Variants in ATRNL1 observed in about 807,000 individuals in gnomAD.
The protein encoded by ATRNL1 is attractin-like protein 1.
ATRNL1 carries 95 observed loss-of-function variants against 182.7 expected under a neutral mutation model. The ratio of observed to expected loss-of-function variants is 0.52; its 90% CI spans 0.44 to 0.62. ATRNL1 has a LOEUF of 0.62. Ranked by LOEUF, ATRNL1 falls within the 20% of genes least tolerant of loss-of-function variation. ATRNL1 has a pLI of 0.00. For synonymous variants in ATRNL1, 576 were observed against 568.3 expected (o/e 1.01, Z -0.19); for missense variants, 1,471 against 1,679.5 (o/e 0.88, Z 2.17).
chr10:115,157,682 C>T (rs1389981472), intron 5 of ATRNL1, among the ~76,000 whole-genome samples: 2 of 152,014 alleles, frequency 1.3e-5, no homozygotes, highest in East Asian at 1.9e-4. Flanking sequence ...TATTTAGAGC[C>T]AATTTAGATA....
chr10:115,609,539 TGTCA>T (rs1391889204), intron 26 of ATRNL1, among the ~76,000 whole-genome samples: 1 of 152,204 alleles, frequency 6.6e-6, no homozygotes, highest in African/African-American at 2.4e-5. Context: ...ATTAAAATGG[TGTCA>T]GTCCTTTAAG....
chr10:115,576,050 A>G (rs1322398977), intron 26 of ATRNL1, among the ~76,000 whole-genome samples: 8 of 152,026 alleles, frequency 5.3e-5, no homozygotes, highest in African/African-American at 1.9e-4. Context: ...TGGCTCATCT[A>G]TGTTGCCACA....
intron 26 of ATRNL1, among the ~76,000 whole-genome samples, chr10:115,588,698 A>G (rs1054426874): frequency 1.3e-5 from 2 of 152,018 alleles, no homozygotes; most frequent in Non-Finnish European, 2.9e-5. Flanking sequence ...AGATTTTCCT[A>G]CCCGTGTTGG....
intron 21 of ATRNL1, among the ~76,000 whole-genome samples, chr10:115,446,849 A>G (rs1380458040): frequency 6.6e-6 from 1 of 151,784 alleles, no homozygotes; most frequent in South Asian, 2.1e-4. Flanking sequence ...TTAATTGTGG[A>G]TCTCCGATTT....
intron 26 of ATRNL1, among the ~76,000 whole-genome samples, chr10:115,628,585 G>A (rs968595789): frequency 6.6e-6 from 1 of 152,048 alleles, no homozygotes; most frequent in Non-Finnish European, 1.5e-5. Flanking sequence ...TTTTGATGAA[G>A]TTCAATTTAT....
chr10:115,388,672 G>A (rs611492), intron 19 of ATRNL1, among the ~76,000 whole-genome samples: 55,761 of 151,486 alleles, frequency 0.37, 11,113 homozygotes, highest in African/African-American at 0.52. Flanking sequence ...TTTATAATGT[G>A]TATCATATTA....
chr10:115,322,810 C>T (rs1448370571), intron 18 of ATRNL1, among the ~76,000 whole-genome samples: 2 of 152,058 alleles, frequency 1.3e-5, no homozygotes, highest in Non-Finnish European at 2.9e-5. Flanking sequence ...TATTATTATA[C>T]TGCTTACTGG....
At chr10:115,451,839 A>T (rs558026003) in intron 21 of ATRNL1, among the ~76,000 whole-genome samples, 2 of 152,314 alleles carry the variant, frequency 1.3e-5, no homozygotes, top group African/African-American at 4.8e-5. Flanking sequence ...TGTTCACAAT[A>T]GCAAAAACAT....
intron 6 of ATRNL1, among the ~76,000 whole-genome samples, chr10:115,163,548 A>G (rs1275764163): frequency 1.3e-5 from 2 of 151,616 alleles, no homozygotes; most frequent in African/African-American, 4.8e-5. Context: ...ATTTTTTTGT[A>G]GAGGCGGGGT....
chr10:115,124,428 C>T (rs1844874274), intron 3 of ATRNL1, among the ~76,000 whole-genome samples: 1 of 152,032 alleles, frequency 6.6e-6, no homozygotes, highest in South Asian at 2.1e-4. Context: ...GCTTCTGGGT[C>T]CTCAGAATGT....
chr10:115,396,394 A>G (rs1457655898), intron 20 of ATRNL1, among the ~76,000 whole-genome samples: 2 of 152,000 alleles, frequency 1.3e-5, no homozygotes, highest in Admixed American at 6.6e-5. Flanking sequence ...CTGTGAATTT[A>G]TACAGGTTCC....
At chr10:115,403,823 A>G (rs1270998900) in intron 20 of ATRNL1, among the ~76,000 whole-genome samples, 2 of 152,162 alleles carry the variant, frequency 1.3e-5, no homozygotes, top group Non-Finnish European at 2.9e-5. Context: ...GATAAGACTA[A>G]TGGTTTCTTT....
At chr10:115,636,103 G>A (rs141508033) in intron 26 of ATRNL1, among the ~76,000 whole-genome samples, 1 of 152,248 alleles carries the variant, frequency 6.6e-6, no homozygotes, top group African/African-American at 2.4e-5. Flanking sequence ...TCGAAAATTA[G>A]TTGAGATACT....
chr10:115,256,947 A>G (rs952975687), intron 10 of ATRNL1, among the ~76,000 whole-genome samples: 1 of 152,144 alleles, frequency 6.6e-6, no homozygotes, highest in Non-Finnish European at 1.5e-5. Flanking sequence ...GTTTTGAGTG[A>G]GTTTCTTAAT....
intron 15 of ATRNL1, among the ~76,000 whole-genome samples, chr10:115,293,393 G>C (rs1358856996): frequency 6.6e-6 from 1 of 151,792 alleles, no homozygotes; most frequent in Non-Finnish European, 1.5e-5. Flanking sequence ...TCAATTTATT[G>C]GTTGTTTTCT....
At chr10:115,639,654 G>T (rs1346285871) in intron 26 of ATRNL1, among the ~76,000 whole-genome samples, 2 of 152,080 alleles carry the variant, frequency 1.3e-5, no homozygotes, top group African/African-American at 4.8e-5. Context: ...GTATGTAGCA[G>T]TACACAGAGC....
Position 115,301,852 on chromosome 10 carries a change from C to T in ATRNL1, c.2630-3C>T, listed in dbSNP as rs1554924585. On this transcript the variant is annotated splice_polypyrimidine_tract_variant and splice_region_variant and intron_variant, in intron 16 of 28. Coordinates refer to ENST00000355044, the MANE Select transcript of ATRNL1 (RefSeq NM_207303.4). Reference sequence around the variant, plus strand: ...AATTATTGTATTTGTTTATTTATTCCAGTTAGTCCAAATCAAAATGCGAGG... The same window carrying T: ...AATTATTGTATTTGTTTATTTATTCTAGTTAGTCCAAATCAAAATGCGAGG... 6.3e-7 allele frequency: 1 copy of T among 1,584,744 alleles called. No homozygotes were observed. Among genetic ancestry groups the T allele is most frequent in the African/African-American group, 1.4e-5 (1 of 73,912 alleles).
intron 3 of ATRNL1, among the ~76,000 whole-genome samples, chr10:115,125,593 T>A (rs909975028): frequency 1.2e-4 from 18 of 152,110 alleles, no homozygotes; most frequent in African/African-American, 4.3e-4. Flanking sequence ...AGAAAGATTA[T>A]ATTCTTGCAG....
chr10:115,431,737 C>T (rs1190005282), intron 21 of ATRNL1, among the ~76,000 whole-genome samples: 1 of 152,270 alleles, frequency 6.6e-6, no homozygotes, highest in African/African-American at 2.4e-5. Flanking sequence ...CTCAGACTGT[C>T]CAATTACTGT....
Sources: gnomAD v4.1 joint callset for allele counts (sites outside exome capture counted in the v4.1 genomes callset) on GRCh38, gnomAD v4.1.1 for gene constraint, MANE v1.5 for transcripts, NCBI Gene and HGNC (gene_info 2026-07-23, HGNC 2026-07-21) for gene names.